Variants in MMP26 observed in about 807,000 individuals in gnomAD.
MMP26 encodes the protein matrix metalloproteinase-26.
MMP26 carries 33 observed loss-of-function variants against 31.0 expected under a neutral mutation model. That is an observed-to-expected ratio of 1.06 (90% CI 0.81 to 1.42). The LOEUF is 1.42. Ranked by LOEUF, MMP26 falls within the 40% of genes most tolerant of loss-of-function variation. MMP26 has a pLI of 0.00. For synonymous variants in MMP26, 122 were observed against 114.9 expected (o/e 1.06, Z -0.40); for missense variants, 347 against 316.1 (o/e 1.10, Z -0.74).
At chr11:4,750,913 ATT>A (rs140570978) in intron 1 of MMP26, among the ~76,000 whole-genome samples, 1 of 151,148 alleles carries the variant, frequency 6.6e-6, no homozygotes, top group Non-Finnish European at 1.5e-5. Flanking sequence ...CCCTAAATCT[ATT>A]TTTTTTTAAA....
At chr11:4,722,811 C>T in intron 1 of MMP26, 1 of 953,234 alleles carries the variant, frequency 1.0e-6, no homozygotes, top group Non-Finnish European at 1.7e-6. Flanking sequence ...AACCACGGCC[C>T]TGGTGGAGCT....
chr11:4,717,692 C>T (rs191902822), intron 1 of MMP26, among the ~76,000 whole-genome samples: 19 of 152,124 alleles, frequency 1.2e-4, no homozygotes, highest in Non-Finnish European at 2.1e-4. Context: ...GTGAGATGCT[C>T]TGCTGAGATT....
intron 1 of MMP26, chr11:4,723,184 G>T: frequency 6.3e-7 from 1 of 1,587,530 alleles, no homozygotes; most frequent in South Asian, 1.1e-5. Flanking sequence ...CATCTGCGAT[G>T]GCGGCCTCCA....
chr11:4,964,733 C>T (rs576318481), intron 2 of MMP26, among the ~76,000 whole-genome samples: 1 of 152,126 alleles, frequency 6.6e-6, no homozygotes, highest in African/African-American at 2.4e-5. Context: ...GAATACTATG[C>T]AGCTGTAAAA....
chr11:4,930,366 A>C (rs1851330300), intron 2 of MMP26, among the ~76,000 whole-genome samples: 1 of 152,074 alleles, frequency 6.6e-6, no homozygotes, highest in Non-Finnish European at 1.5e-5. Context: ...TATCTGGCTG[A>C]AGCCACACTC....
intron 2 of MMP26, among the ~76,000 whole-genome samples, chr11:4,917,776 A>T (rs1467499386): frequency 6.6e-6 from 1 of 152,046 alleles, no homozygotes; most frequent in Non-Finnish European, 1.5e-5. Context: ...TATTGTTTTG[A>T]TGTAATAGTC....
intron 2 of MMP26, chr11:4,914,629 G>C: frequency 1.2e-6 from 1 of 850,194 alleles, no homozygotes; most frequent in Non-Finnish European, 1.8e-6. Context: ...GTAAGTAAAT[G>C]TCTCCTTTAT....
At chr11:4,725,082 TCC>T (rs568740479) in intron 1 of MMP26, among the ~76,000 whole-genome samples, 161 of 152,170 alleles carry the variant, frequency 1.1e-3, no homozygotes, top group African/African-American at 3.8e-3. Context: ...GTATGGCACC[TCC>T]CCCTTGCTCC....
chr11:4,953,211 C>A (rs1203638810), intron 2 of MMP26, among the ~76,000 whole-genome samples: 2 of 124,816 alleles, frequency 1.6e-5, no homozygotes, highest in African/African-American at 5.5e-5. Context: ...TGTATCCTAC[C>A]ATGAATAAAT....
At chr11:4,946,013 C>T in intron 2 of MMP26, 1 of 750,340 alleles carries the variant, frequency 1.3e-6, no homozygotes, top group Non-Finnish European at 2.2e-6. Context: ...GTTCTATTCT[C>T]ATTCGCAGTA....
intron 1 of MMP26, chr11:4,719,560 T>C (rs1004017432): frequency 6.5e-6 from 1 of 152,748 alleles, no homozygotes; most frequent in Non-Finnish European, 1.5e-5. Context: ...GGCAAAGAAC[T>C]AGATGAACCT....
rs1441364902 is a variant in MMP26 at position 4,992,018 on chromosome 11, A to G, written c.650A>G (p.Gln217Arg). 2 of 1,613,756 alleles carry G rather than the reference A, an allele frequency of 1.2e-6. No individual in the cohort carries two copies. Among genetic ancestry groups the G allele is most frequent in the South Asian group, 2.2e-5 (2 of 91,046 alleles). Residue 217 changes from glutamine (Q) to arginine (R), a missense_variant, in exon 7 of 8, where the codon CAG becomes CGG. Coordinates refer to ENST00000380390, the MANE Select transcript of MMP26 (RefSeq NM_021801.5). ...GAGATTGGGCATTCTTTGGGCCTGC[A>G]GCACTCTGGGAATCAGAGCTCCATA... is the stretch of plus-strand genomic sequence containing the variant. The part of the protein sequence containing the change: ...THEIGHSLGL[Q>R]HSGNQSSIMY...
At chr11:4,898,378 G>A (rs568507938) in intron 2 of MMP26, among the ~76,000 whole-genome samples, 38 of 151,686 alleles carry the variant, frequency 2.5e-4, no homozygotes, top group Admixed American at 2.1e-3. Context: ...TGACTATAAT[G>A]TGTCTATGTG....
At chr11:4,800,480 A>T (rs887629692) in intron 2 of MMP26, among the ~76,000 whole-genome samples, 3 of 151,776 alleles carry the variant, frequency 2.0e-5, no homozygotes, top group African/African-American at 7.3e-5. Context: ...CCCCAAAACC[A>T]TTTTTTTCTT....
At chr11:4,804,618 A>G (rs757796093) in intron 2 of MMP26, 3 of 700,876 alleles carry the variant, frequency 4.3e-6, no homozygotes, top group Admixed American at 1.8e-5. Context: ...GGTAGAACAT[A>G]CTAGTTGCAT....
At chr11:4,720,755 G>A (rs779354314) in intron 1 of MMP26, among the ~76,000 whole-genome samples, 1 of 152,176 alleles carries the variant, frequency 6.6e-6, no homozygotes, top group African/African-American at 2.4e-5. Context: ...AAAGGATGGA[G>A]AACATGAGGC....
chr11:4,799,980 G>A (rs1462115881), intron 2 of MMP26, among the ~76,000 whole-genome samples: 1 of 152,172 alleles, frequency 6.6e-6, no homozygotes, highest in African/African-American at 2.4e-5. Context: ...TGCAGGGTGT[G>A]GTCCCTGTGA....
intron 2 of MMP26, among the ~76,000 whole-genome samples, chr11:4,950,400 CATTA>C (rs1409805486): frequency 8.3e-6 from 1 of 120,030 alleles, no homozygotes; most frequent in African/African-American, 2.8e-5. Flanking sequence ...AACTGGAGAA[CATTA>C]TGTTAAATAA....
chr11:4,850,084 T>C (rs1589919180), intron 2 of MMP26, among the ~76,000 whole-genome samples: 1 of 152,236 alleles, frequency 6.6e-6, no homozygotes, highest in African/African-American at 2.4e-5. Context: ...TTATAACTTA[T>C]TTCTTCTATC....
Sources: gnomAD v4.1 joint callset for allele counts (sites outside exome capture counted in the v4.1 genomes callset) on GRCh38, gnomAD v4.1.1 for gene constraint, MANE v1.5 for transcripts, NCBI Gene and HGNC (gene_info 2026-07-23, HGNC 2026-07-21) for gene names.